RGL1: variants seen among roughly 807,000 people sequenced by gnomAD.
The protein encoded by RGL1 is ral guanine nucleotide dissociation stimulator like 1, also known as ral guanine nucleotide dissociation stimulator-like 1.
A neutral mutation model predicts 95.2 loss-of-function variants in RGL1; 24 were observed. The observed-to-expected ratio is 0.25, with a 90% CI of 0.18 to 0.35. The LOEUF is 0.35. RGL1 is among the 10% of genes least tolerant of loss of function. The pLI is 1.00. For missense variants in RGL1, 715 were observed against 936.3 expected, an observed-to-expected ratio of 0.76 and a Z score of 3.08; for synonymous variants, 329 against 344.9, an observed-to-expected ratio of 0.95 and a Z score of 0.51.
rs371088984 is a variant in RGL1 at position 183,726,051 on chromosome 1, T to A, written c.-32-16075T>A. Reference sequence around the variant, plus strand: ...TACTTGGAAATTAAATAGCATACATTGAAGTAATTAATGGTTTAAAGATGA... The same window carrying A: ...TACTTGGAAATTAAATAGCATACATAGAAGTAATTAATGGTTTAAAGATGA... On this transcript the variant is annotated intron_variant, in intron 1 of 18. Coordinates refer to the RGL1 transcript ENST00000304685. Among the ~76,000 whole-genome samples, 11 of 152,122 alleles carry A rather than the reference T, an allele frequency of 7.2e-5. 1 individual carries two copies. In the South Asian group the frequency reaches 2.3e-3, roughly 32 times the overall value.
intron 2 of RGL1, among the ~76,000 whole-genome samples, chr1:183,823,792 T>G (rs1653066837): frequency 6.6e-6 from 1 of 152,120 alleles, no homozygotes; most frequent in Non-Finnish European, 1.5e-5. Context: ...GATATGATTT[T>G]TTTTCTTTTA....
intron 2 of RGL1, among the ~76,000 whole-genome samples, chr1:183,760,484 C>G (rs543950164): frequency 2.1e-5 from 3 of 145,060 alleles, no homozygotes; most frequent in African/African-American, 7.6e-5. Flanking sequence ...GTCATCCCAG[C>G]GCTGTGGGAG....
intron 3 of RGL1, among the ~76,000 whole-genome samples, chr1:183,861,244 A>T (rs990184119): frequency 6.6e-6 from 1 of 152,168 alleles, no homozygotes; most frequent in East Asian, 1.9e-4. Context: ...AGCCTGAGAG[A>T]TTCTTCAGGA....
intron 4 of RGL1, among the ~76,000 whole-genome samples, chr1:183,867,622 GT>G (rs957463843): frequency 2.6e-4 from 39 of 147,580 alleles, no homozygotes; most frequent in Middle Eastern, 3.4e-3. Flanking sequence ...TGGAAGATGG[GT>G]TTTTTTTTTG....
chr1:183,926,040 T>A, intron 17 of RGL1, 65 bp from the exon 18 acceptor site: 1 of 1,404,188 alleles, frequency 7.1e-7, no homozygotes, highest in Non-Finnish European at 9.8e-7. Context: ...GGTTTACAGC[T>A]GCCGTTGTCA....
rs1243399771 is a variant in RGL1 at position 183,792,009 on chromosome 1, A to C, written c.133-14366A>C. Among the ~76,000 whole-genome samples the C allele has an allele frequency of 3.3e-5, 5 of 152,058 alleles. No individual in the cohort carries two copies. In the East Asian group the frequency reaches 5.8e-4, roughly 18 times the overall value. On this transcript the variant is annotated intron_variant, in intron 2 of 18. Transcript: ENST00000304685. ...GTCGCTTTCTTCATTTTTAATCTTT[A>C]TCTCTCCTTTCTACCACTCTTCAAT...
At chr1:183,760,091 A>G (rs1658577680) in intron 2 of RGL1, among the ~76,000 whole-genome samples, 1 of 152,206 alleles carries the variant, frequency 6.6e-6, no homozygotes, top group Admixed American at 6.5e-5. Context: ...TTCCCAGTGC[A>G]TATAAAAGTG....
chr1:183,700,727 G>A (rs1198477557), intron 1 of RGL1, among the ~76,000 whole-genome samples: 2 of 152,044 alleles, frequency 1.3e-5, no homozygotes, highest in Non-Finnish European at 2.9e-5. Flanking sequence ...TGTATTTTTA[G>A]AAGAGACGGG....
intron 2 of RGL1, among the ~76,000 whole-genome samples, chr1:183,839,645 A>G (rs144223264): frequency 1.1e-4 from 17 of 152,282 alleles, no homozygotes; most frequent in Admixed American, 6.5e-4. Context: ...TTCCTTGACT[A>G]TGCTTAAAAC....
At chr1:183,883,369 A>G (rs779141478) in intron 5 of RGL1, among the ~76,000 whole-genome samples, 2 of 152,238 alleles carry the variant, frequency 1.3e-5, no homozygotes, top group Non-Finnish European at 2.9e-5. Flanking sequence ...ACCTGCCTTC[A>G]TGGCGAGTCC....
At chr1:183,887,791 T>A (rs1667204586) in intron 7 of RGL1, among the ~76,000 whole-genome samples, 1 of 152,236 alleles carries the variant, frequency 6.6e-6, no homozygotes, top group Non-Finnish European at 1.5e-5. Flanking sequence ...GAATGTTTCC[T>A]GTTCTCTTTC....
intron 17 of RGL1, among the ~76,000 whole-genome samples, chr1:183,924,838 C>T (rs7513361): frequency 0.28 from 42,718 of 150,084 alleles, 6,314 homozygotes; most frequent in East Asian, 0.49. Context: ...TGGTGGCACA[C>T]GCCTGTAATC....
chr1:183,865,810 A>C (rs41263650), intron 3 of RGL1, among the ~76,000 whole-genome samples, 186 bp from the exon 4 acceptor site: 22,887 of 152,290 alleles, frequency 0.15, 2,357 homozygotes, highest in African/African-American at 0.28. Flanking sequence ...TCTGTTTAGA[A>C]TATGCAGATA....
In RGL1 at chr1:183,926,982, G is replaced by A. The variant is rs1168890944; in HGVS notation, c.*690G>A. 2.0e-5 allele frequency: 3 copies of A among 152,596 alleles called. No individual in the cohort carries two copies. Among genetic ancestry groups the A allele is most frequent in the Non-Finnish European group, 4.4e-5 (3 of 68,058 alleles). 9.5% of individuals were successfully genotyped at this position (152,596 alleles called of 1,614,324 possible). A position where few individuals can be genotyped will look rare whatever the true frequency, so the allele number is the denominator to read the frequency against. On this transcript the variant is annotated 3_prime_UTR_variant, in exon 18 of 18. Transcript: ENST00000360851. ...TAGGGAGGCCAGGAGGAGCTTCGGA[G>A]GACCATCGCCCCACTGGTCTAGCCA...
chr1:183,847,782 T>C lies in RGL1; in HGVS notation c.347+8T>C, dbSNP rs1664543438. ...GGAACTACTGCTGGACAGGTAAGAA[T>C]GTAAAGGAGCTTTTGAGTTGAAAGA... On this transcript the variant is annotated splice_region_variant and intron_variant, in intron 3 of 17. Transcript: ENST00000360851. The C allele has an allele frequency of 6.2e-7, 1 of 1,609,918 alleles. No homozygotes were observed. The highest frequency in any genetic ancestry group is 8.5e-7 in the Non-Finnish European group (1 of 1,176,954).
intron 1 of RGL1, among the ~76,000 whole-genome samples, chr1:183,687,431 C>T (rs928040869): frequency 5.3e-5 from 8 of 152,134 alleles, no homozygotes; most frequent in Non-Finnish European, 1.0e-4. Context: ...TTTTGTATAG[C>T]GTTGAAAGAA....
chr1:183,672,113 AG>A (rs1572256103), intron 1 of RGL1, among the ~76,000 whole-genome samples: 1 of 151,904 alleles, frequency 6.6e-6, no homozygotes, highest in East Asian at 1.9e-4. Context: ...TTGTATTTTT[AG>A]TAGAGATGGG....
intron 3 of RGL1, among the ~76,000 whole-genome samples, chr1:183,861,381 C>T (rs1257237390): frequency 1.3e-5 from 2 of 152,216 alleles, no homozygotes; most frequent in Non-Finnish European, 2.9e-5. Flanking sequence ...ACCACAGATA[C>T]ACCTGGTCTT....
intron 1 of RGL1, among the ~76,000 whole-genome samples, chr1:183,726,165 TA>T (rs1181471266): frequency 6.6e-6 from 1 of 152,122 alleles, no homozygotes; most frequent in East Asian, 1.9e-4. Flanking sequence ...AAGGGAAATT[TA>T]TAGGCTTAAA....
Sources: gnomAD v4.1 joint callset for allele counts (sites outside exome capture counted in the v4.1 genomes callset) on GRCh38, gnomAD v4.1.1 for gene constraint, MANE v1.5 for transcripts, NCBI Gene and HGNC (gene_info 2026-07-23, HGNC 2026-07-21) for gene names.